PRKN: variants seen among roughly 807,000 people sequenced by gnomAD.
The protein encoded by PRKN is E3 ubiquitin-protein ligase parkin.
A neutral mutation model predicts 59.5 loss-of-function variants in PRKN; 56 were observed. That is an observed-to-expected ratio of 0.94 (90% CI 0.76 to 1.18). PRKN has a LOEUF of 1.18. Ranked by LOEUF, PRKN falls within the 50% of genes most tolerant of loss-of-function variation. PRKN has a pLI of 0.00. For missense variants in PRKN, 657 were observed against 596.4 expected (o/e 1.10, Z -1.06); for synonymous variants, 250 against 222.1 (o/e 1.13, Z -1.12).
At chr6:162,499,782 C>T (rs769311982) in intron 1 of PRKN, among the ~76,000 whole-genome samples, 3 of 152,148 alleles carry the variant, frequency 2.0e-5, no homozygotes, top group Non-Finnish European at 4.4e-5. Context: ...CACTTAAAAA[C>T]ATTATTTGTT....
intron 4 of PRKN, among the ~76,000 whole-genome samples, chr6:162,093,401 T>C (rs1172566818): frequency 2.0e-5 from 3 of 152,188 alleles, no homozygotes; most frequent in African/African-American, 7.2e-5. Context: ...TCTTCTCCTG[T>C]AGTTATTAAC....
chr6:161,541,539 G>A (rs1377414963), intron 9 of PRKN, among the ~76,000 whole-genome samples: 5 of 152,158 alleles, frequency 3.3e-5, no homozygotes, highest in African/African-American at 9.7e-5. Context: ...TATAATTATT[G>A]GTCAGGTGCG....
chr6:161,511,164 A>G (rs1370831815), intron 9 of PRKN, among the ~76,000 whole-genome samples: 2 of 152,226 alleles, frequency 1.3e-5, no homozygotes, highest in Admixed American at 1.3e-4. Flanking sequence ...TTCTTTGTGG[A>G]GATTTTTAAA....
intron 7 of PRKN, among the ~76,000 whole-genome samples, chr6:161,757,242 T>C (rs1435323009): frequency 6.6e-6 from 1 of 152,176 alleles, no homozygotes; most frequent in African/African-American, 2.4e-5. Context: ...TGGATTTAAC[T>C]GAAATTAAAA....
At position 161,390,569 on chromosome 6, in the gene PRKN, A is replaced by T. The variant is rs1365950343; in HGVS notation, c.1084-3692T>A. Among the ~76,000 whole-genome samples, 2 of 152,182 alleles carry T rather than the reference A, an allele frequency of 1.3e-5. No homozygotes were observed. Among genetic ancestry groups the T allele is most frequent in the African/African-American group, 4.8e-5 (2 of 41,516 alleles). ...AGTGGCACCATCTCGGCTCACTGCAACCTCCGCCTCCCGGGTTCAAGCAAT... is the reference window on the plus strand; with the variant it reads ...AGTGGCACCATCTCGGCTCACTGCATCCTCCGCCTCCCGGGTTCAAGCAAT... On this transcript the variant is annotated intron_variant, in intron 9 of 11. Transcript: ENST00000366898. The surrounding 1 kb of genome is among the most constrained non-coding windows in gnomAD (Gnocchi z 7.0).
In PRKN at chr6:161,480,170, A is replaced by C. The variant is rs887230614; in HGVS notation, c.1083+68684T>G. ...ATTTTGGAGTATTTATTATCACTGC[A>C]GCGTTTCCTATCTGATCATGACTAT... On this transcript the variant is annotated intron_variant, in intron 9 of 11. Transcript: ENST00000366898. This position sits in a 1 kb window ranked among gnomAD's most constrained non-coding sequence, Gnocchi z 4.1. 6.6e-6 allele frequency among the ~76,000 whole-genome samples: 1 copy of C among 152,228 alleles called. No individual in the cohort carries two copies. Among genetic ancestry groups the C allele is most frequent in the Non-Finnish European group, 1.5e-5 (1 of 68,038 alleles).
Position 161,771,390 on chromosome 6 carries a change from AAT to A in PRKN, c.871+14380_871+14381del, listed in dbSNP as rs1414298048. ...AAAAAAATAAAATAAAATAAAATAA[AAT>A]AAAATAAAAGCACTGCTGTGCTTGA... On this transcript the variant is annotated intron_variant, in intron 7 of 11. Transcript: ENST00000366898. 1.8e-3 allele frequency among the ~76,000 whole-genome samples: 266 copies of A among 147,174 alleles called. 14 individuals are homozygous for A. The highest frequency in any genetic ancestry group is 6.3e-3 in the African/African-American group (248 of 39,446).
chr6:162,021,587 C>G (rs1783203047), intron 5 of PRKN, among the ~76,000 whole-genome samples: 2 of 151,800 alleles, frequency 1.3e-5, no homozygotes. Context: ...AAACATATTA[C>G]TCATCCGAAG....
intron 1 of PRKN, among the ~76,000 whole-genome samples, chr6:162,506,567 A>G (rs1441352821): frequency 1.3e-5 from 2 of 152,212 alleles, no homozygotes; most frequent in Admixed American, 1.3e-4. Flanking sequence ...AGATGTTCTG[A>G]GACAAAACAT....
rs566209252 is a variant in PRKN, at chr6:162,407,303, G to C, written c.171+36007C>G. Among the ~76,000 whole-genome samples, 5 of 152,312 alleles carry C rather than the reference G, an allele frequency of 3.3e-5. No homozygotes were observed. The South Asian group carries it at 1.0e-3, about 32-fold the overall frequency. ...GGAAACTGTTCACCAGCAGACCTCT[G>C]TTGCTCCTGATGTACTCCAAGTTAT... On this transcript the variant is annotated intron_variant, in intron 2 of 11. Coordinates refer to ENST00000366898, the MANE Select transcript of PRKN (RefSeq NM_004562.3).
chr6:161,519,876 A>C (rs1778755934), intron 9 of PRKN, among the ~76,000 whole-genome samples: 3 of 151,986 alleles, frequency 2.0e-5, no homozygotes. Context: ...CAGAAGAAGA[A>C]CACATTGTCA....
chr6:161,807,499 C>G (rs1346517905), intron 6 of PRKN, among the ~76,000 whole-genome samples: 1 of 152,170 alleles, frequency 6.6e-6, no homozygotes, highest in Non-Finnish European at 1.5e-5. Flanking sequence ...TAAAAAAACA[C>G]AAATTGATTC....
intron 2 of PRKN, among the ~76,000 whole-genome samples, chr6:162,361,829 G>A (rs964658912): frequency 6.6e-6 from 1 of 152,034 alleles, no homozygotes; most frequent in African/African-American, 2.4e-5. Flanking sequence ...CTGTAAATAC[G>A]TGCAGCCTGA....
chr6:162,389,961 C>T (rs992881347), intron 2 of PRKN, among the ~76,000 whole-genome samples: 1 of 152,200 alleles, frequency 6.6e-6, no homozygotes, highest in Non-Finnish European at 1.5e-5. Context: ...AAGATTCTCA[C>T]TTAGTGCAGG....
intron 1 of PRKN, among the ~76,000 whole-genome samples, chr6:162,498,147 C>T (rs945530473): frequency 6.6e-6 from 1 of 152,010 alleles, no homozygotes; most frequent in South Asian, 2.1e-4. Flanking sequence ...TGTTCAGTTC[C>T]ACCTTTGAAC....
chr6:162,338,363 C>A (rs1193116620), intron 2 of PRKN, among the ~76,000 whole-genome samples: 12 of 152,148 alleles, frequency 7.9e-5, no homozygotes, highest in Admixed American at 7.9e-4. Context: ...AACCTCCCTG[C>A]CTGATTCTCC....
intron 2 of PRKN, among the ~76,000 whole-genome samples, chr6:162,393,167 T>TTTTTTTTTTTTTTTTTTA (rs1787297423): frequency 7.4e-6 from 1 of 135,116 alleles, no homozygotes. Flanking sequence ...TTTTTTTTTT[T>TTTTTTTTTTTTTTTTTTA]TTTTTTTTTT....
rs141310838 is a variant in PRKN, at chr6:162,057,904, T to C, written c.535-3730A>G. ...AAATTAGCATGTCTATTTTATTATA[T>C]TGAATTCCCATATTCAACAGAGGAT... On this transcript the variant is annotated intron_variant, in intron 4 of 11. Coordinates refer to ENST00000366898, the MANE Select transcript of PRKN (RefSeq NM_004562.3). 1.3e-3 allele frequency among the ~76,000 whole-genome samples: 199 copies of C among 152,348 alleles called. 1 individual carries two copies. Among genetic ancestry groups the C allele is most frequent in the African/African-American group, 4.5e-3 (186 of 41,584 alleles).
At chr6:161,888,424 T>G (rs918102429) in intron 6 of PRKN, among the ~76,000 whole-genome samples, 4 of 152,282 alleles carry the variant, frequency 2.6e-5, no homozygotes, top group Non-Finnish European at 5.9e-5. Flanking sequence ...CAAACTGGCC[T>G]CAATCTTTTT....
Sources: gnomAD v4.1 joint callset for allele counts (sites outside exome capture counted in the v4.1 genomes callset) on GRCh38, gnomAD v4.1.1 for gene constraint, Gnocchi (gnomAD v3.1) non-coding constraint, MANE v1.5 for transcripts, NCBI Gene and HGNC (gene_info 2026-07-23, HGNC 2026-07-21) for gene names.